LPCAT1: variants seen among roughly 807,000 people sequenced by gnomAD.
The protein encoded by LPCAT1 is lysophosphatidylcholine acyltransferase 1, also known as 1-acylglycerol-3-phosphate O-acyltransferase.
In LPCAT1, 23 loss-of-function variants were observed where a neutral mutation model predicts 60.9. The ratio of observed to expected loss-of-function variants is 0.38; its 90% CI spans 0.27 to 0.53. LPCAT1 has a LOEUF of 0.53. Among genes scored for constraint, LPCAT1 ranks in the 20% least tolerant of loss-of-function variants. LPCAT1 has a pLI of 0.82. For synonymous variants in LPCAT1, 340 were observed against 301.1 expected (o/e 1.13, Z -1.34); for missense variants, 622 against 723.6 (o/e 0.86, Z 1.61).
Position 1,481,219 on chromosome 5 carries a change from T to C in LPCAT1, c.727-243A>G, listed in dbSNP as rs1014621078. 3.3e-5 allele frequency among the ~76,000 whole-genome samples: 5 copies of C among 151,524 alleles called. No individual in the cohort carries two copies. The highest frequency in any genetic ancestry group is 7.4e-5 in the Non-Finnish European group (5 of 67,874). On this transcript the variant is annotated intron_variant, in intron 6 of 13. Coordinates refer to ENST00000283415, the MANE Select transcript of LPCAT1 (RefSeq NM_024830.5). The surrounding 1 kb of genome is among the most constrained non-coding windows in gnomAD (Gnocchi z 7.8). Reference sequence around the variant, plus strand: ...ACCCAGAGAACCACCACCTTACAGGTCCCCAGAGTTCCCCCAAGATCCCCA... The same window carrying C: ...ACCCAGAGAACCACCACCTTACAGGCCCCCAGAGTTCCCCCAAGATCCCCA...
Position 1,523,925 on chromosome 5 carries a change from G to C in LPCAT1, c.-81C>G. The C allele has an allele frequency of 1.1e-6, 1 of 949,462 alleles. No individual in the cohort carries two copies. The highest frequency in any genetic ancestry group is 1.3e-6 in the Non-Finnish European group (1 of 795,094). 58.8% of individuals were successfully genotyped at this position (949,462 alleles called of 1,614,324 possible). On this transcript the variant is annotated 5_prime_UTR_variant, in exon 1 of 14. Transcript: ENST00000283415. The surrounding 1 kb of genome is among the most constrained non-coding windows in gnomAD (Gnocchi z 7.1). ...CGGGGCTAGCTGGGCGCGGGTCTCG[G>C]GGCGCGGGCCGAGGATGCGCGGCGG...
At chr5:1,478,381 C>A (rs771859051) in intron 8 of LPCAT1, among the ~76,000 whole-genome samples, 1 of 152,266 alleles carries the variant, frequency 6.6e-6, no homozygotes, top group Non-Finnish European at 1.5e-5. Context: ...ACATTTGCAT[C>A]TTGTATGAAC....
chr5:1,463,433 G>C lies in LPCAT1; in HGVS notation c.*218C>G. On this transcript the variant is annotated 3_prime_UTR_variant, in exon 14 of 14. Coordinates refer to ENST00000283415, the MANE Select transcript of LPCAT1 (RefSeq NM_024830.5). ...GGGGTCCAGGCCAGGCGGGGGATCC[G>C]CGTGCGCGCCCTCCGATTCTCGCAC... 1.7e-6 allele frequency: 1 copy of C among 581,008 alleles called. No individual in the cohort carries two copies. Among genetic ancestry groups the C allele is most frequent in the South Asian group, 2.5e-5 (1 of 40,358 alleles). 36.0% of individuals were successfully genotyped at this position (581,008 alleles called of 1,614,324 possible).
At chr5:1,520,230 G>C (rs1408197960) in intron 1 of LPCAT1, among the ~76,000 whole-genome samples, 1 of 152,266 alleles carries the variant, frequency 6.6e-6, no homozygotes, top group Non-Finnish European at 1.5e-5. Context: ...ACTCAGGAGC[G>C]AGGCTGAGAG....
At chr5:1,517,765 T>C (rs1366159013) in intron 1 of LPCAT1, among the ~76,000 whole-genome samples, 2 of 152,030 alleles carry the variant, frequency 1.3e-5, no homozygotes, top group Non-Finnish European at 2.9e-5. Context: ...AAGACTACAG[T>C]TCGTCTAGGA....
At chr5:1,519,797 C>T (rs1184514167) in intron 1 of LPCAT1, among the ~76,000 whole-genome samples, 2 of 152,242 alleles carry the variant, frequency 1.3e-5, no homozygotes, top group East Asian at 1.9e-4. Flanking sequence ...GGGCCATGGG[C>T]CTGGCACCGT....
intron 12 of LPCAT1, among the ~76,000 whole-genome samples, chr5:1,468,095 C>T (rs182863774): frequency 9.4e-4 from 143 of 152,274 alleles, no homozygotes; most frequent in African/African-American, 3.1e-3. Flanking sequence ...GAAACGCTGA[C>T]GCCTCCAGCC....
intron 1 of LPCAT1, among the ~76,000 whole-genome samples, chr5:1,520,682 G>A (rs1289792972): frequency 2.0e-5 from 3 of 151,236 alleles, no homozygotes; most frequent in African/African-American, 4.9e-5. Flanking sequence ...AACACGGTGA[G>A]ACCCCATCTC....
At chr5:1,468,720 A>G (rs1579755263) in intron 12 of LPCAT1, among the ~76,000 whole-genome samples, 2 of 152,372 alleles carry the variant, frequency 1.3e-5, no homozygotes, top group South Asian at 2.1e-4. Context: ...CCCAAGGCGT[A>G]TGAAGCACAT....
In LPCAT1 at chr5:1,473,830, A is replaced by G; in HGVS notation, c.1179+127T>C. The G allele has an allele frequency of 2.7e-6, 3 of 1,125,200 alleles. No homozygotes were observed. In the South Asian group the frequency reaches 4.8e-5, roughly 18 times the overall value. The allele number at this position is 1,125,200 out of a possible 1,614,324, so 69.7% of individuals were successfully genotyped here. A position where few individuals can be genotyped will look rare whatever the true frequency, so the allele number is the denominator to read the frequency against. On this transcript the variant is annotated intron_variant, in intron 11 of 13. Coordinates refer to ENST00000283415, the MANE Select transcript of LPCAT1 (RefSeq NM_024830.5). The stretch of plus-strand genomic sequence containing the variant: ...CTCAAAATGATAGGGTGGGGTGGTG[A>G]TGGGTGGTTTTCCTTCTCTGCTTTC...
intron 12 of LPCAT1, among the ~76,000 whole-genome samples, chr5:1,467,920 C>T (rs1426573288): frequency 1.3e-5 from 2 of 152,136 alleles, no homozygotes; most frequent in Non-Finnish European, 2.9e-5. Context: ...CCGACGGGGC[C>T]GTCGCCCTGA....
chr5:1,489,338 T>G (rs1279440687), intron 4 of LPCAT1, among the ~76,000 whole-genome samples: 1 of 152,234 alleles, frequency 6.6e-6, no homozygotes, highest in Non-Finnish European at 1.5e-5. Flanking sequence ...CCCCTACAGC[T>G]GGGTTCAGGG....
rs184717774 is a variant in LPCAT1, at chr5:1,489,653, G to A, written c.606+93C>T. ...GAGAAGAGAATCAGAATCCAGCCCC[G>A]GAGGAAGGGCCCCAGTTTCTTTCTC... is the stretch of plus-strand genomic sequence containing the variant. On this transcript the variant is annotated intron_variant, in intron 4 of 13. Coordinates refer to ENST00000283415, the MANE Select transcript of LPCAT1 (RefSeq NM_024830.5). 5.2e-4 allele frequency: 492 copies of A among 952,084 alleles called. 2 individuals are homozygous for A. The highest frequency in any genetic ancestry group is 2.1e-3 in the South Asian group (165 of 77,812). 59.0% of individuals were successfully genotyped at this position (952,084 alleles called of 1,614,324 possible).
intron 3 of LPCAT1, among the ~76,000 whole-genome samples, 188 bp downstream of exon 3, chr5:1,494,512 A>C (rs1442885853): frequency 3.3e-5 from 5 of 150,152 alleles, no homozygotes; most frequent in Non-Finnish European, 7.4e-5. Context: ...TCATTCCCAG[A>C]AGGGGGGGTC....
At chr5:1,511,513 G>A (rs949536974) in intron 1 of LPCAT1, among the ~76,000 whole-genome samples, 2 of 145,584 alleles carry the variant, frequency 1.4e-5, no homozygotes, top group Non-Finnish European at 3.0e-5. Flanking sequence ...CTCACCCTAC[G>A]TGGGGACGTC....
chr5:1,501,639 T>TGTAG (rs1409533530), intron 1 of LPCAT1, 36 bp from the exon 2 acceptor site: 2 of 1,608,784 alleles, frequency 1.2e-6, no homozygotes, highest in African/African-American at 2.7e-5. Context: ...AGAGAATCCA[T>TGTAG]GTAGGACACC....
At chr5:1,468,408 C>A (rs1425153993) in intron 12 of LPCAT1, among the ~76,000 whole-genome samples, 1 of 152,244 alleles carries the variant, frequency 6.6e-6, no homozygotes, top group Non-Finnish European at 1.5e-5. Context: ...CCTCGGCCGA[C>A]CTGGATCCCA....
chr5:1,465,154 CTA>C (rs1427462740), intron 13 of LPCAT1, among the ~76,000 whole-genome samples: 2 of 137,682 alleles, frequency 1.5e-5, no homozygotes, highest in African/African-American at 2.7e-5. Flanking sequence ...CACGCGGTAA[CTA>C]AACATGCATG....
rs1736704652 is a variant in LPCAT1 at position 1,522,420 on chromosome 5, C to T, written c.135+1290G>A. Among the ~76,000 whole-genome samples, 1 of 152,122 alleles carries T rather than the reference C, an allele frequency of 6.6e-6. No homozygotes were observed. Among genetic ancestry groups the T allele is most frequent in the South Asian group, 2.1e-4 (1 of 4,832 alleles). On this transcript the variant is annotated intron_variant, in intron 1 of 13. Transcript: ENST00000283415. This position sits in a 1 kb window ranked among gnomAD's most constrained non-coding sequence, Gnocchi z 6.8. ...CGGCGGCAGAGGGGCCGGCACCGCC[C>T]CAGCCCCAGAGTCCAGCTCCCGACA...
Sources: allele counts gnomAD v4.1 joint callset (sites outside exome capture counted in the v4.1 genomes callset), GRCh38; gene constraint gnomAD v4.1.1; non-coding constraint Gnocchi (gnomAD v3.1); transcripts MANE v1.5; gene names NCBI Gene and HGNC (gene_info 2026-07-23, HGNC 2026-07-21).